HTR7: variants seen among roughly 807,000 people sequenced by gnomAD.
HTR7 encodes the protein 5-hydroxytryptamine receptor 7.
Under a neutral mutation model 34.0 loss-of-function variants are expected in HTR7, and 16 were observed. The ratio of observed to expected loss-of-function variants is 0.47; its 90% confidence interval spans 0.32 to 0.71. The LOEUF (loss-of-function observed/expected upper bound fraction) is 0.71. HTR7 is among the 30% of genes least tolerant of loss of function. The pLI is 0.04. For synonymous variants in HTR7, 265 were observed against 260.2 expected, an observed-to-expected ratio of 1.02 and a Z score of -0.18; for missense variants, 504 against 625.5, an observed-to-expected ratio of 0.81 and a Z score of 2.07.
intron 1 of HTR7, among the ~76,000 whole-genome samples, chr10:90,806,166 A>G (rs1017112542): frequency 6.6e-6 from 1 of 152,234 alleles, no homozygotes; most frequent in African/African-American, 2.4e-5. Flanking sequence ...TGGAGGCTAC[A>G]TAAAGATTTC....
intron 1 of HTR7, among the ~76,000 whole-genome samples, chr10:90,772,329 T>C (rs1029968960): frequency 2.0e-5 from 3 of 152,222 alleles, no homozygotes; most frequent in Non-Finnish European, 4.4e-5. Flanking sequence ...TCAATAGTAG[T>C]AGCCTATATG....
At chr10:90,752,368 GA>G (rs1434120235) in intron 1 of HTR7, among the ~76,000 whole-genome samples, 5 of 151,484 alleles carry the variant, frequency 3.3e-5, no homozygotes, top group African/African-American at 1.2e-4. Flanking sequence ...TCTATATGAA[GA>G]AAATACAAAA....
At chr10:90,755,050 C>A (rs1844815092) in intron 1 of HTR7, among the ~76,000 whole-genome samples, 1 of 152,178 alleles carries the variant, frequency 6.6e-6, no homozygotes, top group Non-Finnish European at 1.5e-5. Flanking sequence ...GGATTGGAGA[C>A]CTAGAACTTT....
chr10:90,750,024 C>T (rs565842713), intron 1 of HTR7, among the ~76,000 whole-genome samples: 1 of 152,206 alleles, frequency 6.6e-6, no homozygotes, highest in Non-Finnish European at 1.5e-5. Flanking sequence ...CCAGTGATCA[C>T]CCCAGCTGTC....
chr10:90,837,850 G>C (rs1430623664), intron 1 of HTR7, among the ~76,000 whole-genome samples: 2 of 152,068 alleles, frequency 1.3e-5, no homozygotes, highest in African/African-American at 4.8e-5. Flanking sequence ...GCTTCCATCT[G>C]ACTGCTTCAC....
intron 1 of HTR7, among the ~76,000 whole-genome samples, chr10:90,842,734 C>G (rs1017120394): frequency 4.0e-5 from 6 of 151,678 alleles, no homozygotes; most frequent in Admixed American, 3.9e-4. Flanking sequence ...AAAAAAGGAC[C>G]CTGAGATTTT....
At chr10:90,789,242 T>A (rs1221292388) in intron 1 of HTR7, among the ~76,000 whole-genome samples, 1 of 152,192 alleles carries the variant, frequency 6.6e-6, no homozygotes, top group African/African-American at 2.4e-5. Context: ...CTCCTGAAAG[T>A]AGCATAAATT....
chr10:90,798,682 A>T (rs1845578236), intron 1 of HTR7, among the ~76,000 whole-genome samples: 1 of 152,234 alleles, frequency 6.6e-6, no homozygotes, highest in African/African-American at 2.4e-5. Context: ...CATGCACTCC[A>T]GCCTGGGTGA....
intron 1 of HTR7, among the ~76,000 whole-genome samples, chr10:90,806,614 A>G (rs190345270): frequency 6.6e-6 from 1 of 151,986 alleles, no homozygotes; most frequent in East Asian, 1.9e-4. Context: ...AAACAAAATA[A>G]AAAAATTTAA....
intron 1 of HTR7, among the ~76,000 whole-genome samples, chr10:90,810,462 G>T (rs531644010): frequency 1.3e-5 from 2 of 151,974 alleles, no homozygotes; most frequent in Non-Finnish European, 2.9e-5. Flanking sequence ...GTTATCACTC[G>T]CCTGCTACAG....
rs773775656 is a variant in HTR7 at position 90,857,338 on chromosome 10, G to A, written c.334C>T (p.Leu112Phe). 6 of 1,614,078 alleles carry A rather than the reference G, an allele frequency of 3.7e-6. No individual in the cohort carries two copies. The highest frequency in any genetic ancestry group is 5.1e-6 in the Non-Finnish European group (6 of 1,179,988). ...ATCAGGTAGTTGGAGGGCTGGCGGA[G>A]CTTCTTGACGAAGCACACGGAGATC... is the stretch of plus-strand genomic sequence containing the variant. ...VVISVCFVKK[L>F]RQPSNYLIVS... Residue 112 changes from leucine (L) to phenylalanine (F), a missense_variant, in exon 1 of 4, where the codon CTC becomes TTC. By Grantham distance (22) the Leu-to-Phe change is conservative. Coordinates refer to ENST00000336152, the MANE Select transcript of HTR7 (RefSeq NM_019859.4). This position sits in a 1 kb window ranked among gnomAD's most constrained non-coding sequence, Gnocchi z 6.5.
At chr10:90,820,557 T>G (rs998755313) in intron 1 of HTR7, among the ~76,000 whole-genome samples, 1 of 152,168 alleles carries the variant, frequency 6.6e-6, no homozygotes, top group Non-Finnish European at 1.5e-5. Context: ...AAATGAGTTT[T>G]ATACATACAG....
chr10:90,811,948 T>C lies in HTR7; in HGVS notation c.539+45185A>G, dbSNP rs558361695. Among the ~76,000 whole-genome samples, 18 of 152,294 alleles carry C rather than the reference T, an allele frequency of 1.2e-4. No homozygotes were observed. The South Asian group carries it at 3.7e-3, about 32-fold the overall frequency. ...TTTATTAGTCAAATCAGCCAAGTAG[T>C]TTTTCAGGCTCTTAGTATTCAGTGA... On this transcript the variant is annotated intron_variant, in intron 1 of 3. Coordinates refer to ENST00000336152, the MANE Select transcript of HTR7 (RefSeq NM_019859.4).
intron 1 of HTR7, among the ~76,000 whole-genome samples, chr10:90,776,458 T>C (rs530249914): frequency 1.2e-4 from 19 of 152,364 alleles, no homozygotes; most frequent in African/African-American, 3.8e-4. Context: ...GTAATCTTTA[T>C]ATCCTTTAAT....
At chr10:90,788,738 A>T (rs1035571240) in intron 1 of HTR7, among the ~76,000 whole-genome samples, 1 of 152,230 alleles carries the variant, frequency 6.6e-6, no homozygotes, top group Non-Finnish European at 1.5e-5. Context: ...AAGAAAAATA[A>T]AGGAGCATTT....
intron 1 of HTR7, among the ~76,000 whole-genome samples, chr10:90,846,994 T>A (rs1490332723): frequency 6.6e-6 from 1 of 152,250 alleles, no homozygotes; most frequent in Non-Finnish European, 1.5e-5. Context: ...ACTGCCTCTG[T>A]GTTCCTGGCA....
intron 1 of HTR7, among the ~76,000 whole-genome samples, chr10:90,839,366 C>T (rs1284469251): frequency 1.3e-5 from 2 of 152,120 alleles, no homozygotes; most frequent in Admixed American, 6.5e-5. Context: ...TTGGAGCATG[C>T]CTTTTAAGTC....
At chr10:90,831,586 T>G (rs551113272) in intron 1 of HTR7, among the ~76,000 whole-genome samples, 2 of 152,354 alleles carry the variant, frequency 1.3e-5, no homozygotes, top group South Asian at 4.1e-4. Flanking sequence ...TTGCCACTGC[T>G]GGCTCGCGCA....
chr10:90,762,347 C>T (rs955748077), intron 1 of HTR7, among the ~76,000 whole-genome samples: 1 of 152,114 alleles, frequency 6.6e-6, no homozygotes, highest in Non-Finnish European at 1.5e-5. Flanking sequence ...GTGAGGTGAT[C>T]GCTCATTGTG....
Sources: gnomAD v4.1 joint callset for allele counts (sites outside exome capture counted in the v4.1 genomes callset) on GRCh38, gnomAD v4.1.1 for gene constraint, Gnocchi (gnomAD v3.1) non-coding constraint, MANE v1.5 for transcripts, NCBI Gene and HGNC (gene_info 2026-07-23, HGNC 2026-07-21) for gene names.